DNAJC6: variants seen among roughly 807,000 people sequenced by gnomAD.
DNAJC6 encodes auxilin.
Under a neutral mutation model 110.0 loss-of-function variants are expected in DNAJC6, and 34 were observed. That is an observed-to-expected ratio of 0.31 (90% confidence interval 0.24 to 0.41). The LOEUF is 0.41. Ranked by LOEUF, DNAJC6 falls within the 10% of genes least tolerant of loss-of-function variation. The probability of loss-of-function intolerance (pLI) is 1.00; values close to 1 mark genes in which losing one functional copy is unlikely to be tolerated. For missense variants in DNAJC6, 1,031 were observed against 1,207.8 expected (o/e 0.85, Z 2.17); for synonymous variants, 406 against 437.2 (o/e 0.93, Z 0.89).
intron 4 of DNAJC6, among the ~76,000 whole-genome samples, chr1:65,372,385 A>G (rs1645715652): frequency 6.6e-6 from 1 of 152,050 alleles, no homozygotes; most frequent in East Asian, 1.9e-4. Context: ...TCACTCATTC[A>G]TTCACTCAGC....
intron 1 of DNAJC6, among the ~76,000 whole-genome samples, chr1:65,324,551 G>A (rs1332325491): frequency 6.6e-6 from 1 of 152,026 alleles, no homozygotes; most frequent in African/African-American, 2.4e-5. Context: ...TAGAGACGGG[G>A]TTTCACCATC....
intron 11 of DNAJC6, 29 bp downstream of exon 11, chr1:65,389,656 T>C: frequency 6.2e-7 from 1 of 1,606,002 alleles, no homozygotes; most frequent in Non-Finnish European, 8.5e-7. Context: ...TTAAGTCACA[T>C]GGTTTGATGA....
intron 9 of DNAJC6, among the ~76,000 whole-genome samples, chr1:65,388,961 T>C (rs1381028444): frequency 1.3e-5 from 2 of 152,216 alleles, no homozygotes; most frequent in Non-Finnish European, 2.9e-5. Context: ...TGTGGGCCTA[T>C]TGCACTATTT....
intron 1 of DNAJC6, among the ~76,000 whole-genome samples, chr1:65,315,215 C>T (rs1645138025): frequency 6.6e-6 from 1 of 152,070 alleles, no homozygotes; most frequent in African/African-American, 2.4e-5. Context: ...CCAATCAAAC[C>T]TAAGTTCCAC....
In DNAJC6 at chr1:65,367,312, C is replaced by T. The variant is rs191741261; in HGVS notation, c.543+1116C>T. On this transcript the variant is annotated intron_variant, in intron 4 of 18. Transcript: ENST00000371069. ...CCACTCTTTGATAAAGCACTGATAA[C>T]GCCATTCTGAAGTGGTTTGATCTAA... Among the ~76,000 whole-genome samples, 68 of 152,252 alleles carry T rather than the reference C, an allele frequency of 4.5e-4. No individual in the cohort carries two copies. The East Asian group carries it at 4.6e-3, about 10-fold the overall frequency.
At chr1:65,341,582 A>T (rs919898548) in intron 1 of DNAJC6, among the ~76,000 whole-genome samples, 1 of 152,168 alleles carries the variant, frequency 6.6e-6, no homozygotes, top group Admixed American at 6.6e-5. Context: ...CACACCACAA[A>T]GGGACTTGAC....
intron 5 of DNAJC6, among the ~76,000 whole-genome samples, chr1:65,381,059 C>T (rs1645817163): frequency 6.6e-6 from 1 of 150,800 alleles, no homozygotes; most frequent in East Asian, 2.0e-4. Flanking sequence ...GCTGGGACTA[C>T]AGGCACGCAC....
intron 15 of DNAJC6, among the ~76,000 whole-genome samples, chr1:65,404,238 C>A (rs1298037114): frequency 6.6e-6 from 1 of 152,144 alleles, no homozygotes; most frequent in Admixed American, 6.5e-5. Flanking sequence ...GTTTATTGAG[C>A]CCTGAAGATG....
intron 4 of DNAJC6, among the ~76,000 whole-genome samples, chr1:65,370,516 G>C (rs1285017621): frequency 6.6e-6 from 1 of 152,162 alleles, no homozygotes; most frequent in Admixed American, 6.5e-5. Flanking sequence ...ATTACTGTTG[G>C]CAATAAATGG....
chr1:65,358,517 C>T (rs886651944), intron 1 of DNAJC6, among the ~76,000 whole-genome samples: 3 of 152,114 alleles, frequency 2.0e-5, no homozygotes. Context: ...GAATTTAGAT[C>T]AGTGGCCTAG....
chr1:65,385,801 C>T lies in DNAJC6; in HGVS notation c.890C>T (p.Pro297Leu). The stretch of plus-strand genomic sequence containing the variant: ...ACAATTAAGTCGATCACTGTCAGTC[C>T]AATACCCTTTTTCAACAAACAGAGG... ...PLTIKSITVS[P>L]IPFFNKQRNG... The change falls in exon 7 of 19, where the codon CCA (proline) becomes CTA (leucine). Residue 297 changes from proline to leucine, a missense_variant. Transcript: ENST00000371069. 6.2e-7 allele frequency: 1 copy of T among 1,614,120 alleles called. No homozygotes were observed. Among genetic ancestry groups the T allele is most frequent in the Non-Finnish European group, 8.5e-7 (1 of 1,180,012 alleles).
Position 65,413,445 on chromosome 1 carries a change from G to A in DNAJC6, c.*420G>A, listed in dbSNP as rs1646146017. 6.5e-6 allele frequency: 1 copy of A among 154,964 alleles called. No homozygotes were observed. Among genetic ancestry groups the A allele is most frequent in the African/African-American group, 2.4e-5 (1 of 41,450 alleles). 9.6% of individuals were successfully genotyped at this position (154,964 alleles called of 1,614,324 possible). ...TTTAATGGTTTCTAGATTTTTCTTG[G>A]AAAGATATAATTTGAGCAGTGGCTT... On this transcript the variant is annotated 3_prime_UTR_variant, in exon 19 of 19. Coordinates refer to ENST00000371069, the MANE Select transcript of DNAJC6 (RefSeq NM_001256864.2).
chr1:65,345,780 C>A (rs185293786), intron 1 of DNAJC6: 2 of 641,312 alleles, frequency 3.1e-6, no homozygotes, highest in Non-Finnish European at 3.9e-6. Flanking sequence ...ATGTAGAGTG[C>A]AGATCCAGGT....
chr1:65,411,595 A>G (rs1570392260), intron 18 of DNAJC6, among the ~76,000 whole-genome samples, 169 bp downstream of exon 18: 2 of 152,348 alleles, frequency 1.3e-5, no homozygotes, highest in South Asian at 2.1e-4. Flanking sequence ...ATGAAATGAG[A>G]AAGACGATAT....
At chr1:65,357,758 T>C (rs543770328) in intron 1 of DNAJC6, among the ~76,000 whole-genome samples, 2 of 152,324 alleles carry the variant, frequency 1.3e-5, no homozygotes, top group African/African-American at 4.8e-5. Context: ...GAAACTTGTG[T>C]GGCTGTGAAC....
intron 17 of DNAJC6, among the ~76,000 whole-genome samples, chr1:65,410,963 A>G (rs551893358): frequency 1.3e-5 from 2 of 152,298 alleles, no homozygotes; most frequent in Non-Finnish European, 2.9e-5. Context: ...GTTTATATTG[A>G]GTATAACTCT....
chr1:65,399,664 C>G (rs921289637), intron 14 of DNAJC6, among the ~76,000 whole-genome samples: 4 of 152,160 alleles, frequency 2.6e-5, no homozygotes, highest in Non-Finnish European at 5.9e-5. Flanking sequence ...CTGACCTTCT[C>G]ACATAACTGA....
intron 1 of DNAJC6, among the ~76,000 whole-genome samples, chr1:65,337,651 C>A (rs1333953246): frequency 6.6e-6 from 1 of 151,996 alleles, no homozygotes; most frequent in Admixed American, 6.6e-5. Flanking sequence ...ACCAAGACAA[C>A]AACAACAAAA....
rs1348382365 is a variant in DNAJC6, at chr1:65,364,700, G to A, written c.259G>A (p.Ala87Thr). Residue 87 changes from alanine (A) to threonine (T), a missense_variant, in exon 2 of 19, where the codon GCA becomes ACA. By Grantham distance (58) the Ala-to-Thr change is moderately conservative (BLOSUM62 0). Coordinates refer to ENST00000371069, the MANE Select transcript of DNAJC6 (RefSeq NM_001256864.2). ...GGLFDMVKGG[A>T]GRLFSNLKDN... ...TCTCTTTGACATGGTAAAAGGAGGT[G>A]CAGGGAGGCTCTTTAGTAACCTAAA... 2 of 1,612,782 alleles carry A rather than the reference G, an allele frequency of 1.2e-6. No individual in the cohort carries two copies. Among genetic ancestry groups the A allele is most frequent in the South Asian group, 1.1e-5 (1 of 91,030 alleles).
Sources: gnomAD v4.1 joint callset for allele counts (sites outside exome capture counted in the v4.1 genomes callset) on GRCh38, gnomAD v4.1.1 for gene constraint, MANE v1.5 for transcripts, NCBI Gene and HGNC (gene_info 2026-07-23, HGNC 2026-07-21) for gene names.